The following CDK13 variants were observed in gnomAD, a reference collection of about 807,000 sequenced individuals.
CDK13 encodes cyclin-dependent kinase 13.
Under a neutral mutation model 137.6 loss-of-function variants are expected in CDK13, and 40 were observed. The ratio of observed to expected loss-of-function variants is 0.29; its 90% CI spans 0.23 to 0.38. The LOEUF (loss-of-function observed/expected upper bound fraction) is 0.38. CDK13 is among the 10% of genes least tolerant of loss of function. The pLI, the probability that CDK13 is intolerant of heterozygous loss-of-function variation, is 1.00. For missense variants in CDK13, 1,704 were observed against 1,951.8 expected (o/e 0.87, Z 2.39); for synonymous variants, 869 against 760.1 (o/e 1.14, Z -2.36).
chr7:39,969,359 G>T (rs929858081), intron 1 of CDK13, among the ~76,000 whole-genome samples: 1 of 152,162 alleles, frequency 6.6e-6, no homozygotes, highest in African/African-American at 2.4e-5. Context: ...TCGTTCAGAA[G>T]TGATTTTTAA....
intron 12 of CDK13, among the ~76,000 whole-genome samples, chr7:40,089,603 ACTCC>A (rs1398050808): frequency 6.6e-6 from 1 of 151,906 alleles, no homozygotes. Context: ...AAGGACCTCC[ACTCC>A]CTCATTTTGC....
intron 9 of CDK13, among the ~76,000 whole-genome samples, chr7:40,064,783 T>C (rs773763257): frequency 2.6e-5 from 2 of 75,686 alleles, no homozygotes; most frequent in African/African-American, 5.0e-5. Flanking sequence ...TTTATGTTAC[T>C]TTTTTTTTTT....
intron 5 of CDK13, among the ~76,000 whole-genome samples, chr7:40,029,018 A>G (rs150340732): frequency 3.3e-5 from 5 of 152,184 alleles, no homozygotes; most frequent in African/African-American, 1.2e-4. Flanking sequence ...TTTGAGCTGC[A>G]TGGGTTCACT....
intron 2 of CDK13, among the ~76,000 whole-genome samples, chr7:39,992,182 G>GTA (rs1784476080): frequency 6.6e-6 from 1 of 151,668 alleles, no homozygotes; most frequent in Non-Finnish European, 1.5e-5. Flanking sequence ...GTGTGTGTGT[G>GTA]TGTGTGTGTG....
intron 5 of CDK13, among the ~76,000 whole-genome samples, chr7:40,040,319 T>C (rs984037807): frequency 6.6e-6 from 1 of 152,246 alleles, no homozygotes; most frequent in African/African-American, 2.4e-5. Flanking sequence ...TGAATTGATA[T>C]GCCATCTTTA....
chr7:40,093,314 G>A (rs2150547779), intron 13 of CDK13, 77 bp downstream of exon 13: 2 of 1,179,580 alleles, frequency 1.7e-6, no homozygotes, highest in South Asian at 1.5e-5. Flanking sequence ...TATATAATGT[G>A]TATAGTTCAG....
intron 12 of CDK13, 142 bp downstream of exon 12, chr7:40,088,473 T>A (rs1786840806): frequency 2.9e-6 from 2 of 688,864 alleles, no homozygotes; most frequent in East Asian, 2.7e-5. Context: ...TTTGTGCCAG[T>A]ACAGAAGTTT....
intron 5 of CDK13, among the ~76,000 whole-genome samples, chr7:40,021,329 T>A (rs1290327073): frequency 6.6e-6 from 1 of 151,708 alleles, no homozygotes; most frequent in Non-Finnish European, 1.5e-5. Context: ...AAACCCCATC[T>A]CTACTAAAAA....
chr7:40,032,594 T>C (rs886444906), intron 5 of CDK13, among the ~76,000 whole-genome samples: 1 of 152,256 alleles, frequency 6.6e-6, no homozygotes, highest in Non-Finnish European at 1.5e-5. Flanking sequence ...AATTTCATTT[T>C]GTTCACTTGT....
chr7:40,046,631 A>C (rs570113755), intron 6 of CDK13, among the ~76,000 whole-genome samples: 6 of 152,248 alleles, frequency 3.9e-5, no homozygotes, highest in Admixed American at 2.6e-4. Context: ...TAGGTGACAC[A>C]GCGAGACTCT....
chr7:39,953,387 G>A (rs190409878), intron 1 of CDK13, among the ~76,000 whole-genome samples: 26 of 152,294 alleles, frequency 1.7e-4, no homozygotes, highest in Admixed American at 1.1e-3. Context: ...TTGCAAACTG[G>A]TTGGTTGAAG....
chr7:40,045,232 TTG>T (rs936590922), intron 5 of CDK13, among the ~76,000 whole-genome samples: 1 of 152,106 alleles, frequency 6.6e-6, no homozygotes, highest in Non-Finnish European at 1.5e-5. Flanking sequence ...TTTGTATAGT[TTG>T]TGTGTGTGTG....
intron 9 of CDK13, chr7:40,073,755 C>T (rs1584072263): frequency 6.6e-6 from 1 of 152,072 alleles, no homozygotes; most frequent in Non-Finnish European, 1.5e-5. Flanking sequence ...CCATGCCCAG[C>T]TAATTTTTGT....
At chr7:40,018,056 G>C (rs899450253) in intron 5 of CDK13, among the ~76,000 whole-genome samples, 74 of 151,528 alleles carry the variant, frequency 4.9e-4, no homozygotes, top group African/African-American at 1.8e-3. Flanking sequence ...GGTGGATAAA[G>C]ATCGCCTTCT....
chr7:40,003,202 A>ACT lies in CDK13; in HGVS notation c.2353+1172_2353+1173insTC, dbSNP rs1334115140. ...CACACACACACACACACACACACAC[A>ACT]CACACTCTCTCTCTCTCTCTCTCTT... is the stretch of plus-strand genomic sequence containing the variant. On this transcript the variant is annotated intron_variant, in intron 5 of 13. Transcript: ENST00000181839. 7.4e-3 allele frequency among the ~76,000 whole-genome samples: 597 copies of ACT among 80,966 alleles called. 3 individuals are homozygous for ACT. Among genetic ancestry groups the ACT allele is most frequent in the Non-Finnish European group, 8.8e-3 (341 of 38,874 alleles). The allele number at this position is 80,966 out of a possible 152,430, so 53.1% of individuals were successfully genotyped here.
At chr7:40,021,122 T>TACACACACAC (rs1304409836) in intron 5 of CDK13, among the ~76,000 whole-genome samples, 2 of 108,508 alleles carry the variant, frequency 1.8e-5, no homozygotes, top group Admixed American at 9.9e-5. Context: ...TATATATATA[T>TACACACACAC]ACACACACAC....
intron 5 of CDK13, among the ~76,000 whole-genome samples, chr7:40,020,298 G>T (rs975464938): frequency 6.6e-6 from 1 of 152,022 alleles, no homozygotes; most frequent in African/African-American, 2.4e-5. Context: ...CAACTCCTAG[G>T]CTCAAACAAT....
chr7:40,037,687 A>G (rs947818976), intron 5 of CDK13, among the ~76,000 whole-genome samples: 13 of 152,202 alleles, frequency 8.5e-5, no homozygotes, highest in African/African-American at 3.1e-4. Flanking sequence ...TCAATTTCAG[A>G]GTACAGGATT....
In CDK13 at chr7:40,093,085, T is replaced by C; in HGVS notation, c.3536T>C (p.Val1179Ala). 1.2e-6 allele frequency: 2 copies of C among 1,614,218 alleles called. No homozygotes were observed. The highest frequency in any genetic ancestry group is 1.7e-6 in the Non-Finnish European group (2 of 1,180,044). Residue 1179 changes from valine to alanine, a missense_variant, in exon 13 of 14, where the codon GTG (valine) becomes GCG (alanine). This residue lies in a region of CDK13 where 475 missense variants were observed against 579.3 expected (regional missense o/e 0.82). Transcript: ENST00000181839. ...GAGACTGATGCTGCCCAGGCGGCTG[T>C]GCAGAGTGCATTTGCAGTTCTGTTG... is the stretch of plus-strand genomic sequence containing the variant. ...KVETDAAQAA[V>A]QSAFAVLLTQ...
Sources: allele counts gnomAD v4.1 joint callset (sites outside exome capture counted in the v4.1 genomes callset), GRCh38; gene constraint gnomAD v4.1.1; regional missense constraint gnomAD v4.1.1; transcripts MANE v1.5; gene names NCBI Gene and HGNC (gene_info 2026-07-23, HGNC 2026-07-21).